The following SPICE1 variants were observed in gnomAD, a reference collection of about 807,000 sequenced individuals.
SPICE1 encodes spindle and centriole associated protein 1.
A neutral mutation model predicts 102.7 loss-of-function variants in SPICE1; 75 were observed. The observed-to-expected ratio is 0.73, with a 90% CI of 0.61 to 0.88. SPICE1 has a LOEUF of 0.88. Ranked by LOEUF, SPICE1 falls within the 40% of genes least tolerant of loss-of-function variation. The pLI is 0.00. For synonymous variants in SPICE1, 308 were observed against 350.3 expected, an observed-to-expected ratio of 0.88 and a Z score of 1.35; for missense variants, 979 against 1,020.1, an observed-to-expected ratio of 0.96 and a Z score of 0.55.
intron 11 of SPICE1, among the ~76,000 whole-genome samples, chr3:113,464,217 C>T (rs1935999288): frequency 6.7e-6 from 1 of 150,170 alleles, no homozygotes; most frequent in Non-Finnish European, 1.5e-5. Context: ...GGTATGTGAA[C>T]TATATTATCA....
At chr3:113,484,089 T>C (rs1411487856) in intron 7 of SPICE1, among the ~76,000 whole-genome samples, 2 of 152,170 alleles carry the variant, frequency 1.3e-5, no homozygotes, top group Non-Finnish European at 1.5e-5. Flanking sequence ...TTCGACTTCT[T>C]CTGGTTTAGA....
At chr3:113,463,660 TATTAC>T (rs1935984844) in intron 11 of SPICE1, among the ~76,000 whole-genome samples, 1 of 152,248 alleles carries the variant, frequency 6.6e-6, no homozygotes, top group South Asian at 2.1e-4. Flanking sequence ...GAAAAGCACA[TATTAC>T]ATTATTCCAT....
Position 113,499,528 on chromosome 3 carries a change from GTT to G in SPICE1, c.200_201del (p.Glu67AlafsTer21), listed in dbSNP as rs1936967260. Reference sequence around the variant, plus strand: ...TTTCTCTTCAAAGCTTTTTCTTGGAGTTCCCAGTGTACTAATGCTCTATTCTT... The same window carrying G: ...TTTCTCTTCAAAGCTTTTTCTTGGAGCCCAGTGTACTAATGCTCTATTCTT... ...KSKNRALVHWELQEKALKRKW... is the reference protein window; with the variant it reads ...KSKNRALVHWXLQEKALKRKW... On this transcript the variant is annotated frameshift_variant, in exon 4 of 18. Transcript: ENST00000295872. LOFTEE classifies it high-confidence loss of function. The G allele has an allele frequency of 3.7e-6, 6 of 1,613,040 alleles. No homozygotes were observed. The highest frequency in any genetic ancestry group is 4.2e-6 in the Non-Finnish European group (5 of 1,179,736).
At chr3:113,475,836 T>G (rs1936330908) in intron 7 of SPICE1, among the ~76,000 whole-genome samples, 1 of 152,206 alleles carries the variant, frequency 6.6e-6, no homozygotes, top group African/African-American at 2.4e-5. Context: ...TCATATTGAA[T>G]GGGCAAAAAC....
intron 12 of SPICE1, chr3:113,459,453 AAAC>A: frequency 1.0e-6 from 1 of 974,450 alleles, no homozygotes; most frequent in Non-Finnish European, 1.2e-6. Context: ...AAACAAAACA[AAAC>A]AAAAAAAAAC....
rs781353926 is a variant in SPICE1, at chr3:113,468,880, A to T, written c.771T>A (p.Asn257Lys). ...GCCTGGTTTGGAGTCTCTTGACAGCATTGGTAGCATTCAGAGCAGCTAAAA... is the reference window on the plus strand; with the variant it reads ...GCCTGGTTTGGAGTCTCTTGACAGCTTTGGTAGCATTCAGAGCAGCTAAAA... ...GEQRAALNAT[N>K]AVKRLQTRLQ... The change falls in exon 9 of 18, where the codon AAT becomes AAA. Residue 257 changes from asparagine to lysine, a missense_variant. Physicochemically the swap from Asn to Lys is moderately conservative, Grantham distance 94. Transcript: ENST00000295872. 4.3e-6 allele frequency: 7 copies of T among 1,613,250 alleles called. No individual in the cohort carries two copies. Among genetic ancestry groups the T allele is most frequent in the Non-Finnish European group, 5.9e-6 (7 of 1,179,806 alleles).
At chr3:113,499,243 A>AG (rs1936959776) in intron 4 of SPICE1, 196 bp downstream of exon 4, 1 of 487,900 alleles carries the variant, frequency 2.0e-6, no homozygotes, top group African/African-American at 1.9e-5. Context: ...GCTGGTAAGT[A>AG]GTAGAACAGG....
chr3:113,492,554 T>G (rs954176355), intron 6 of SPICE1, among the ~76,000 whole-genome samples: 2 of 152,184 alleles, frequency 1.3e-5, no homozygotes, highest in African/African-American at 4.8e-5. Flanking sequence ...AGTTGATACA[T>G]TGCAAGTTTC....
chr3:113,455,472 G>C (rs1482884798), intron 13 of SPICE1, among the ~76,000 whole-genome samples: 1 of 152,176 alleles, frequency 6.6e-6, no homozygotes, highest in Non-Finnish European at 1.5e-5. Flanking sequence ...CAGTTTCTCA[G>C]TCACATAAGC....
chr3:113,485,753 G>A (rs553746977), intron 7 of SPICE1, among the ~76,000 whole-genome samples: 27 of 152,132 alleles, frequency 1.8e-4, no homozygotes, highest in Non-Finnish European at 3.2e-4. Flanking sequence ...AAAATTCAAC[G>A]TCATAAAGAT....
rs150285145 is a variant in SPICE1 at position 113,510,995 on chromosome 3, C to G, written c.-1+3902G>C. Among the ~76,000 whole-genome samples the G allele has an allele frequency of 8.9e-3, 1,356 of 152,220 alleles. 24 individuals carry two copies. Among genetic ancestry groups the G allele is most frequent in the African/African-American group, 0.031 (1,293 of 41,548 alleles). ...CAAAAGAAGACATTTATGCAGCCAA[C>G]AAACGTATGAAAAAAAGTCAACATC... On this transcript the variant is annotated intron_variant, in intron 1 of 17. Coordinates refer to ENST00000295872, the MANE Select transcript of SPICE1 (RefSeq NM_144718.4).
chr3:113,447,928 C>A, intron 16 of SPICE1, 110 bp downstream of exon 16: 1 of 952,998 alleles, frequency 1.0e-6, no homozygotes, highest in Non-Finnish European at 1.5e-6. Context: ...ATGAGTCTGT[C>A]TCAACCTAAG....
At chr3:113,477,431 G>A (rs376535693) in intron 7 of SPICE1, among the ~76,000 whole-genome samples, 4,788 of 145,882 alleles carry the variant, frequency 0.033, 121 homozygotes, top group African/African-American at 0.059. Context: ...CCATCCCATT[G>A]CTGGGTATAT....
At chr3:113,475,840 C>T (rs926198745) in intron 7 of SPICE1, among the ~76,000 whole-genome samples, 1 of 152,136 alleles carries the variant, frequency 6.6e-6, no homozygotes, top group African/African-American at 2.4e-5. Context: ...ATTGAATGGG[C>T]AAAAACTGGA....
At chr3:113,446,714 T>G in intron 16 of SPICE1, 38 bp from the exon 17 acceptor site, 15 of 1,445,894 alleles carry the variant, frequency 1.0e-5, no homozygotes, top group Non-Finnish European at 1.4e-5. Context: ...GAGAGTGAGC[T>G]ATCATTATTA....
Position 113,494,082 on chromosome 3 carries a change from C to T in SPICE1, c.352G>A (p.Ala118Thr), listed in dbSNP as rs1576644437. The T allele has an allele frequency of 6.2e-7, 1 of 1,612,468 alleles. No homozygotes were observed. Among genetic ancestry groups the T allele is most frequent in the South Asian group, 1.1e-5 (1 of 90,884 alleles). ...CTACGAGGAAACAGCTCTTTTGCTG[C>T]AGCTATTAGATGATCAGATTTCTCC... ...VLEKSDHLIA[A>T]AKELFPRRRT... Residue 118 changes from alanine to threonine, a missense_variant, in exon 5 of 18, where the codon GCA becomes ACA. Transcript: ENST00000295872.
chr3:113,470,237 A>C (rs1217560128), intron 7 of SPICE1, among the ~76,000 whole-genome samples: 1 of 152,224 alleles, frequency 6.6e-6, no homozygotes, highest in Non-Finnish European at 1.5e-5. Flanking sequence ...CCAGGACTTG[A>C]TGTTTTGAGA....
intron 7 of SPICE1, among the ~76,000 whole-genome samples, chr3:113,473,500 G>A (rs1278289186): frequency 6.6e-6 from 1 of 152,064 alleles, no homozygotes; most frequent in Non-Finnish European, 1.5e-5. Context: ...TCACCAAAGT[G>A]GAAATGAAAG....
Position 113,465,676 on chromosome 3 carries a change from T to C in SPICE1, c.1264A>G (p.Arg422Gly), listed in dbSNP as rs754245389. 72 of 1,613,840 alleles carry C rather than the reference T, an allele frequency of 4.5e-5. 2 individuals carry two copies. The South Asian group carries it at 6.9e-4, about 16-fold the overall frequency. ...DALTAEILRLREENAATQARL... is the reference protein window; with the variant it reads ...DALTAEILRLGEENAATQARL... The stretch of plus-strand genomic sequence containing the variant: ...ACCTGTGTAGCAGCGTTTTCTTCTC[T>C]AAGACGAAGAATTTCAGCTGTCAGA... Residue 422 changes from arginine (R) to glycine (G), a missense_variant, in exon 11 of 18, where the codon AGA becomes GGA. Transcript: ENST00000295872.
Sources: allele counts gnomAD v4.1 joint callset (sites outside exome capture counted in the v4.1 genomes callset), GRCh38; gene constraint gnomAD v4.1.1; transcripts MANE v1.5; gene names NCBI Gene and HGNC (gene_info 2026-07-23, HGNC 2026-07-21).